Variants in NTM observed in about 807,000 individuals in gnomAD.
The protein encoded by NTM is IgLON family member 2.
In NTM, 13 loss-of-function variants were observed where a neutral mutation model predicts 42.1. That is an observed-to-expected ratio of 0.31 (90% CI 0.20 to 0.49). The LOEUF (loss-of-function observed/expected upper bound fraction) is 0.49, where lower values mean the gene tolerates loss of function less well. Ranked by LOEUF, NTM falls within the 20% of genes least tolerant of loss-of-function variation. The pLI, the probability that NTM is intolerant of heterozygous loss-of-function variation, is 0.99. For missense variants in NTM, 373 were observed against 452.8 expected, an observed-to-expected ratio of 0.82 and a Z score of 1.60; for synonymous variants, 187 against 179.2, an observed-to-expected ratio of 1.04 and a Z score of -0.35.
intron 1 of NTM, among the ~76,000 whole-genome samples, chr11:131,410,242 G>A (rs1338530099): frequency 6.6e-6 from 1 of 152,072 alleles, no homozygotes; most frequent in Non-Finnish European, 1.5e-5. Flanking sequence ...ATTCTCCGAG[G>A]TAAGTGGATT....
Position 132,301,119 on chromosome 11 carries a change from G to A in NTM, c.527-6570G>A, listed in dbSNP as rs371158379. ...AGAAAAGAGGTTTAATCGACTCACA[G>A]TTCCTCAGGGCTGGGGAGGCCTCAG... On this transcript the variant is annotated intron_variant, in intron 4 of 8. Transcript: ENST00000683400. Among the ~76,000 whole-genome samples, 28 of 152,320 alleles carry A rather than the reference G, an allele frequency of 1.8e-4. No individual in the cohort carries two copies. The East Asian group carries it at 2.5e-3, about 14-fold the overall frequency.
chr11:131,926,697 C>T (rs1451489532), intron 2 of NTM, among the ~76,000 whole-genome samples: 1 of 152,190 alleles, frequency 6.6e-6, no homozygotes, highest in African/African-American at 2.4e-5. Context: ...AAGCAAGTAG[C>T]CCCAACACCT....
At position 131,578,841 on chromosome 11, in the gene NTM, T is replaced by C. The variant is rs563188129; in HGVS notation, c.82+207953T>C. ...ACACAGCCTGATTGAGGAGGAGGAA[T>C]GAGATACATTACTTCTTGTGAAGAA... On this transcript the variant is annotated intron_variant, in intron 1 of 8. Coordinates refer to ENST00000683400, the MANE Select transcript of NTM (RefSeq NM_001352005.2). 2.0e-5 allele frequency among the ~76,000 whole-genome samples: 3 copies of C among 152,242 alleles called. No homozygotes were observed. In the South Asian group the frequency reaches 6.2e-4, roughly 32 times the overall value.
chr11:131,883,774 G>A (rs577585936), intron 1 of NTM, among the ~76,000 whole-genome samples: 1 of 152,108 alleles, frequency 6.6e-6, no homozygotes, highest in Non-Finnish European at 1.5e-5. Context: ...AAGGCAGGAG[G>A]CTGTAGTTGA....
chr11:131,939,432 G>A (rs183058867), intron 2 of NTM, among the ~76,000 whole-genome samples: 2 of 152,138 alleles, frequency 1.3e-5, no homozygotes, highest in African/African-American at 4.8e-5. Context: ...AAGAAAAAAA[G>A]ATGGTAGTAA....
chr11:131,641,289 A>G (rs1459935372), intron 1 of NTM, among the ~76,000 whole-genome samples: 1 of 152,198 alleles, frequency 6.6e-6, no homozygotes, highest in Admixed American at 6.5e-5. Flanking sequence ...GAAAGCCACT[A>G]ATGTTGCTCA....
intron 1 of NTM, among the ~76,000 whole-genome samples, chr11:131,508,998 C>T (rs894410720): frequency 2.0e-5 from 3 of 151,590 alleles, no homozygotes; most frequent in Non-Finnish European, 4.4e-5. Context: ...AACTAACCTG[C>T]ACAATGTGCA....
At chr11:131,461,599 G>A (rs546889045) in intron 1 of NTM, among the ~76,000 whole-genome samples, 1 of 152,140 alleles carries the variant, frequency 6.6e-6, no homozygotes, top group Admixed American at 6.5e-5. Context: ...AGCTGTAAGA[G>A]GAATAAGTTA....
At chr11:131,889,997 G>A (rs553389647) in intron 1 of NTM, among the ~76,000 whole-genome samples, 1 of 151,956 alleles carries the variant, frequency 6.6e-6, no homozygotes, top group Admixed American at 6.5e-5. Flanking sequence ...TGTTCACAGA[G>A]ACTCCTCCTT....
chr11:132,018,087 C>G (rs2073723224), intron 2 of NTM, among the ~76,000 whole-genome samples: 2 of 151,626 alleles, frequency 1.3e-5, no homozygotes, highest in Admixed American at 1.3e-4. Flanking sequence ...TTTCTTTATT[C>G]AATCCTTTTC....
intron 7 of NTM, among the ~76,000 whole-genome samples, chr11:132,317,074 G>A (rs1003530727): frequency 6.6e-6 from 1 of 152,168 alleles, no homozygotes; most frequent in African/African-American, 2.4e-5. Context: ...TCTGGTGCAA[G>A]AGACCATAGT....
intron 1 of NTM, among the ~76,000 whole-genome samples, chr11:131,511,614 T>C (rs1041142222): frequency 2.6e-5 from 4 of 151,880 alleles, no homozygotes; most frequent in African/African-American, 9.7e-5. Context: ...ATTACGTGAC[T>C]GGGTCTCATC....
At chr11:132,273,180 A>T (rs2093563042) in intron 4 of NTM, among the ~76,000 whole-genome samples, 1 of 151,654 alleles carries the variant, frequency 6.6e-6, no homozygotes, top group African/African-American at 2.4e-5. Flanking sequence ...TTTGTACCTT[A>T]TTCTGTTGAA....
chr11:131,419,756 T>C (rs1947314010), intron 1 of NTM, among the ~76,000 whole-genome samples: 1 of 152,144 alleles, frequency 6.6e-6, no homozygotes. Flanking sequence ...TATAAAGGAT[T>C]CTTTGAGCTG....
intron 2 of NTM, among the ~76,000 whole-genome samples, chr11:132,116,928 G>A (rs1173226000): frequency 2.0e-5 from 3 of 152,140 alleles, no homozygotes; most frequent in Admixed American, 1.3e-4. Flanking sequence ...AGCCCAGGTC[G>A]AAGAAAAGTA....
In NTM at chr11:131,489,783, C is replaced by G. The variant is rs574704112; in HGVS notation, c.82+118895C>G. Among the ~76,000 whole-genome samples the G allele has an allele frequency of 4.6e-5, 7 of 152,364 alleles. No homozygotes were observed. The South Asian group carries it at 1.2e-3, about 27-fold the overall frequency. ...CTTAGCATTTTCAATTTTACCTGGC[C>G]TTAGCCAAGTTCACAATGTATTCAC... is the stretch of plus-strand genomic sequence containing the variant. On this transcript the variant is annotated intron_variant, in intron 1 of 8. Coordinates refer to ENST00000683400, the MANE Select transcript of NTM (RefSeq NM_001352005.2).
intron 1 of NTM, among the ~76,000 whole-genome samples, chr11:131,384,849 A>G (rs936156242): frequency 6.6e-6 from 1 of 152,234 alleles, no homozygotes; most frequent in Non-Finnish European, 1.5e-5. Context: ...TAAATAACGT[A>G]ATCTGTATCC....
chr11:131,589,235 A>G (rs575774760), intron 1 of NTM, among the ~76,000 whole-genome samples: 1 of 150,056 alleles, frequency 6.7e-6, no homozygotes, highest in African/African-American at 2.5e-5. Context: ...GCACGAGGCT[A>G]GAAGTCAGAA....
At chr11:131,427,413 G>A (rs1375403008) in intron 1 of NTM, among the ~76,000 whole-genome samples, 2 of 152,114 alleles carry the variant, frequency 1.3e-5, no homozygotes, top group Non-Finnish European at 2.9e-5. Flanking sequence ...CTGATCCAGG[G>A]ACAAGAAAGA....
Sources: allele counts gnomAD v4.1 joint callset (sites outside exome capture counted in the v4.1 genomes callset), GRCh38; gene constraint gnomAD v4.1.1; transcripts MANE v1.5; gene names NCBI Gene and HGNC (gene_info 2026-07-23, HGNC 2026-07-21).